CASTOR2: variants seen among roughly 807,000 people sequenced by gnomAD.
The protein encoded by CASTOR2 is cytosolic arginine sensor for mTORC1 subunit 2.
In CASTOR2, 8 loss-of-function variants were observed where a neutral mutation model predicts 31.2. That is an observed-to-expected ratio of 0.26 (90% confidence interval 0.15 to 0.46). The LOEUF (loss-of-function observed/expected upper bound fraction) is 0.46, where lower values mean the gene tolerates loss of function less well. Ranked by LOEUF, CASTOR2 falls within the 20% of genes least tolerant of loss-of-function variation. The pLI is 0.99. For synonymous variants in CASTOR2, 162 were observed against 158.7 expected (o/e 1.02, Z -0.16); for missense variants, 216 against 382.1 (o/e 0.57, Z 3.62).
At chr7:75,019,972 C>CT (rs1448799478) in intron 5 of CASTOR2, 67 bp from the exon 6 acceptor site, 1 of 1,477,856 alleles carries the variant, frequency 6.8e-7, no homozygotes, top group Non-Finnish European at 9.2e-7. Flanking sequence ...CCCAGCTTCC[C>CT]TGGGCTGGTG....
In CASTOR2 at chr7:75,031,190, T is replaced by C. The variant is rs1805290829; in HGVS notation, c.*6491T>C. On this transcript the variant is annotated 3_prime_UTR_variant, in exon 9 of 9. Transcript: ENST00000616305. ...CCTGAGATGGGGGTGAGTGGATGGA[T>C]GGTGTACTGAGGGGCCTCTGCCCTG... Among the ~76,000 whole-genome samples the C allele has an allele frequency of 6.6e-6, 1 of 152,132 alleles. No homozygotes were observed. Among genetic ancestry groups the C allele is most frequent in the Non-Finnish European group, 1.5e-5 (1 of 68,014 alleles).
At chr7:75,021,977 A>T (rs1262821273) in intron 7 of CASTOR2, 21 bp downstream of exon 7, 14 of 1,549,616 alleles carry the variant, frequency 9.0e-6, no homozygotes, top group Non-Finnish European at 1.2e-5. Context: ...GGGGGATTAC[A>T]TGGGGAATTG....
intron 2 of CASTOR2, among the ~76,000 whole-genome samples, chr7:75,012,865 C>G (rs1804785599): frequency 6.6e-6 from 1 of 152,094 alleles, no homozygotes; most frequent in South Asian, 2.1e-4. Flanking sequence ...TCTCGAACTC[C>G]TGACCTCAAG....
In CASTOR2 at chr7:75,029,883, C is replaced by T. The variant is rs1395496480; in HGVS notation, c.*5184C>T. On this transcript the variant is annotated 3_prime_UTR_variant, in exon 9 of 9. Transcript: ENST00000616305. ...GGGGGCCCATTCAAAGGAGGCCGGGCTCGGTGGCTTAGGCCTGTCATCCCA... is the reference window on the plus strand; with the variant it reads ...GGGGGCCCATTCAAAGGAGGCCGGGTTCGGTGGCTTAGGCCTGTCATCCCA... 1.3e-5 allele frequency among the ~76,000 whole-genome samples: 2 copies of T among 152,174 alleles called. No individual in the cohort carries two copies. Among genetic ancestry groups the T allele is most frequent in the Non-Finnish European group, 1.5e-5 (1 of 68,028 alleles).
At chr7:75,013,279 T>G (rs1804794458) in intron 2 of CASTOR2, among the ~76,000 whole-genome samples, 1 of 152,242 alleles carries the variant, frequency 6.6e-6, no homozygotes, top group Admixed American at 6.5e-5. Flanking sequence ...GCTGGGTCTT[T>G]CCTGGGAGGG....
intron 1 of CASTOR2, among the ~76,000 whole-genome samples, chr7:74,988,446 T>C (rs1804124946): frequency 1.3e-5 from 2 of 152,024 alleles, no homozygotes; most frequent in African/African-American, 4.8e-5. Context: ...TACAGGTGCC[T>C]GCCACTGCGC....
At chr7:75,007,927 G>A in intron 1 of CASTOR2, 67 bp from the exon 2 acceptor site, 1 of 1,609,816 alleles carries the variant, frequency 6.2e-7, no homozygotes. Flanking sequence ...CCAGGGCACG[G>A]GTGGGCAGCT....
At chr7:75,004,209 C>T (rs1156654189) in intron 1 of CASTOR2, among the ~76,000 whole-genome samples, 3 of 152,082 alleles carry the variant, frequency 2.0e-5, no homozygotes, top group Non-Finnish European at 4.4e-5. Context: ...AGGAAGGGTC[C>T]GGGCCTGACC....
chr7:75,007,451 A>G (rs1714834784), intron 1 of CASTOR2, among the ~76,000 whole-genome samples: 1 of 152,150 alleles, frequency 6.6e-6, no homozygotes, highest in Non-Finnish European at 1.5e-5. Flanking sequence ...CAAAAATGTC[A>G]CGGATGGCTG....
chr7:74,979,130 G>A (rs1326668501), intron 1 of CASTOR2, among the ~76,000 whole-genome samples: 3 of 151,988 alleles, frequency 2.0e-5, no homozygotes, highest in East Asian at 1.9e-4. Context: ...TTGTGCCACC[G>A]TACTCCAGCC....
At chr7:75,018,238 A>C (rs2131954433) in intron 4 of CASTOR2, 116 bp downstream of exon 4, 1 of 1,530,528 alleles carries the variant, frequency 6.5e-7, no homozygotes, top group Non-Finnish European at 8.8e-7. Flanking sequence ...ATGGAGTGCC[A>C]GGCAGAACGG....
chr7:75,013,048 A>G (rs1266057786), intron 2 of CASTOR2, among the ~76,000 whole-genome samples: 3 of 152,134 alleles, frequency 2.0e-5, no homozygotes, highest in African/African-American at 7.2e-5. Context: ...TTGGCCTCCC[A>G]AAGTGTTGGG....
chr7:75,023,651 G>A (rs1805060153), intron 7 of CASTOR2, among the ~76,000 whole-genome samples: 1 of 151,940 alleles, frequency 6.6e-6, no homozygotes, highest in Admixed American at 6.6e-5. Context: ...TGTTGGCCAG[G>A]CTGGTCTCGA....
At chr7:74,977,867 T>TG (rs1184437042) in intron 1 of CASTOR2, among the ~76,000 whole-genome samples, 4 of 150,840 alleles carry the variant, frequency 2.7e-5, no homozygotes, top group South Asian at 2.1e-4. Context: ...TTTGTAGAGA[T>TG]GGGGTCTCAC....
chr7:74,981,625 C>T (rs1427389825), intron 1 of CASTOR2, among the ~76,000 whole-genome samples: 5 of 150,296 alleles, frequency 3.3e-5, no homozygotes, highest in East Asian at 2.0e-4. Flanking sequence ...TGGGGTTTTA[C>T]CATGTTCCCC....
At chr7:74,982,400 C>T (rs1405885190) in intron 1 of CASTOR2, among the ~76,000 whole-genome samples, 4 of 151,838 alleles carry the variant, frequency 2.6e-5, no homozygotes, top group African/African-American at 9.7e-5. Flanking sequence ...TGGCCCCAGG[C>T]GAGTGCATCT....
chr7:75,008,907 G>A (rs1804665503), intron 2 of CASTOR2, among the ~76,000 whole-genome samples: 1 of 152,078 alleles, frequency 6.6e-6, no homozygotes, highest in Admixed American at 6.6e-5. Context: ...CCATGATCAC[G>A]TCTGTGAATA....
chr7:74,991,599 C>T (rs1804213446), intron 1 of CASTOR2, among the ~76,000 whole-genome samples: 1 of 152,146 alleles, frequency 6.6e-6, no homozygotes. Flanking sequence ...TGGTAAACTT[C>T]AGCAGTGATC....
At chr7:75,024,561 A>C in intron 8 of CASTOR2, 27 bp downstream of exon 8, 2 of 1,551,502 alleles carry the variant, frequency 1.3e-6, no homozygotes, top group South Asian at 2.4e-5. Context: ...AGACCCCTCC[A>C]GGGCAGGGCC....
Sources: allele counts gnomAD v4.1 joint callset (sites outside exome capture counted in the v4.1 genomes callset), GRCh38; gene constraint gnomAD v4.1.1; transcripts MANE v1.5; gene names NCBI Gene and HGNC (gene_info 2026-07-23, HGNC 2026-07-21).